Variants in SIPA1L1 observed in about 807,000 individuals in gnomAD.
SIPA1L1 encodes the protein signal induced proliferation associated 1 like 1, also known as signal-induced proliferation-associated 1-like protein 1.
A neutral mutation model predicts 162.7 loss-of-function variants in SIPA1L1; 26 were observed. The observed-to-expected ratio is 0.16, with a 90% CI of 0.12 to 0.22. The LOEUF (loss-of-function observed/expected upper bound fraction) is 0.22. SIPA1L1 is among the 10% of genes least tolerant of loss of function. The pLI is 1.00. For missense variants in SIPA1L1, 1,874 were observed against 2,241.0 expected, an observed-to-expected ratio of 0.84 and a Z score of 3.31; for synonymous variants, 829 against 837.4, an observed-to-expected ratio of 0.99 and a Z score of 0.17.
In SIPA1L1 at chr14:71,662,572, T is replaced by G. The variant is rs2043623303; in HGVS notation, c.2255+1105T>G. 2.0e-5 allele frequency among the ~76,000 whole-genome samples: 3 copies of G among 152,360 alleles called. No individual in the cohort carries two copies. In the South Asian group the frequency reaches 6.2e-4, roughly 32 times the overall value. On this transcript the variant is annotated intron_variant, in intron 10 of 23. Coordinates refer to ENST00000381232, the MANE Select transcript of SIPA1L1 (RefSeq NM_001386936.1). ...AGAATTAGACAGGAATGCAGTCAGT[T>G]TGATTCTAGAGCCCAGTCTCTTAAC...
intron 2 of SIPA1L1, among the ~76,000 whole-genome samples, chr14:71,446,892 C>CTTTTT (rs2045390917): frequency 2.0e-5 from 2 of 99,578 alleles, no homozygotes; most frequent in African/African-American, 8.0e-5. Context: ...GAGATGGGCT[C>CTTTTT]TGTTTTTTTT....
intron 2 of SIPA1L1, among the ~76,000 whole-genome samples, chr14:71,432,013 T>A (rs1338543845): frequency 6.6e-6 from 1 of 152,028 alleles, no homozygotes; most frequent in African/African-American, 2.4e-5. Flanking sequence ...TGGTAATCAG[T>A]TGAGTGGGGA....
At chr14:71,321,070 G>A (rs531941174) in intron 1 of SIPA1L1, 52 bp from the exon 2 acceptor site, 3 of 152,002 alleles carry the variant, frequency 2.0e-5, no homozygotes, top group African/African-American at 7.2e-5. Context: ...CCGCAGAGGA[G>A]GCGGCGAGTG....
Position 71,323,334 on chromosome 14 carries a change from A to G in SIPA1L1, c.-465+2153A>G, listed in dbSNP as rs575441496. Among the ~76,000 whole-genome samples the G allele has an allele frequency of 2.0e-5, 3 of 152,302 alleles. No individual in the cohort carries two copies. The East Asian group carries it at 5.8e-4, about 29-fold the overall frequency. On this transcript the variant is annotated intron_variant, in intron 2 of 23. Transcript: ENST00000381232. ...AATGACTGTTTTTCTTTTTTTAAAA[A>G]TCTGTTTGAGCTGTGAAATGGGAGC...
intron 5 of SIPA1L1, among the ~76,000 whole-genome samples, chr14:71,590,581 G>A (rs1208486401): frequency 1.3e-5 from 2 of 152,024 alleles, no homozygotes; most frequent in Non-Finnish European, 2.9e-5. Flanking sequence ...GCTTGTTGAC[G>A]GAAACAATCT....
rs143717449 is a variant in SIPA1L1, at chr14:71,740,654, C to G, written c.*1493C>G. On this transcript the variant is annotated 3_prime_UTR_variant, in exon 24 of 24. Transcript: ENST00000381232. ...TTTCCTCTCTTCTCCCTGCTACATT[C>G]ACTACCAGATTTTTATGCTACAGTT... 49 of 152,296 alleles carry G rather than the reference C, an allele frequency of 3.2e-4. No individual in the cohort carries two copies. Among genetic ancestry groups the G allele is most frequent in the African/African-American group, 1.2e-3 (48 of 41,572 alleles). The allele number at this position is 152,296 out of a possible 1,614,324, so 9.4% of individuals were successfully genotyped here.
At chr14:71,462,252 A>T (rs1276727508) in intron 2 of SIPA1L1, among the ~76,000 whole-genome samples, 1 of 152,152 alleles carries the variant, frequency 6.6e-6, no homozygotes, top group African/African-American at 2.4e-5. Flanking sequence ...CTTGCTCCAA[A>T]ATCCTAGAGG....
chr14:71,666,708 G>A (rs191911977), intron 10 of SIPA1L1, among the ~76,000 whole-genome samples: 175 of 152,100 alleles, frequency 1.2e-3, no homozygotes, highest in African/African-American at 4.0e-3. Flanking sequence ...GTATGATATA[G>A]TACAAAAAGC....
At chr14:71,365,029 G>A (rs1380996574) in intron 2 of SIPA1L1, among the ~76,000 whole-genome samples, 1 of 151,686 alleles carries the variant, frequency 6.6e-6, no homozygotes, top group Non-Finnish European at 1.5e-5. Flanking sequence ...TTACAGGCAT[G>A]AGCCACCATG....
intron 3 of SIPA1L1, among the ~76,000 whole-genome samples, chr14:71,516,678 C>T (rs1467705150): frequency 6.6e-6 from 1 of 151,732 alleles, no homozygotes; most frequent in Non-Finnish European, 1.5e-5. Flanking sequence ...TTTAAAAATG[C>T]CTTTTTTTTT....
chr14:71,634,115 G>A (rs1287735048), intron 7 of SIPA1L1, among the ~76,000 whole-genome samples: 3 of 151,654 alleles, frequency 2.0e-5, no homozygotes, highest in Non-Finnish European at 2.9e-5. Flanking sequence ...TATAAGGGAA[G>A]AACGGCTGGG....
chr14:71,523,373 A>G (rs2052549063), intron 3 of SIPA1L1, among the ~76,000 whole-genome samples: 1 of 151,554 alleles, frequency 6.6e-6, no homozygotes, highest in Non-Finnish European at 1.5e-5. Flanking sequence ...TTTTATTTTG[A>G]CATAATCTCA....
intron 4 of SIPA1L1, among the ~76,000 whole-genome samples, chr14:71,553,917 A>G (rs1004699708): frequency 6.6e-6 from 1 of 152,128 alleles, no homozygotes; most frequent in Non-Finnish European, 1.5e-5. Context: ...GAGACAGACT[A>G]TTTTTCAGAT....
intron 9 of SIPA1L1, among the ~76,000 whole-genome samples, chr14:71,660,063 T>C (rs910313623): frequency 6.6e-6 from 1 of 152,180 alleles, no homozygotes; most frequent in African/African-American, 2.4e-5. Context: ...TTGGGTCCTT[T>C]ATTAAGACAT....
chr14:71,321,259 C>T (rs906469686), intron 2 of SIPA1L1, 78 bp downstream of exon 2: 4 of 152,166 alleles, frequency 2.6e-5, no homozygotes, highest in Non-Finnish European at 5.9e-5. Context: ...TGTTTCTGGC[C>T]GGGGTTGGGG....
At chr14:71,436,752 C>T (rs965490820) in intron 2 of SIPA1L1, among the ~76,000 whole-genome samples, 13 of 151,182 alleles carry the variant, frequency 8.6e-5, no homozygotes, top group African/African-American at 3.1e-4. Flanking sequence ...TACAGACATA[C>T]CTTCTGAATT....
At chr14:71,320,890 C>G (rs980857998) in intron 1 of SIPA1L1, among the ~76,000 whole-genome samples, 2 of 152,010 alleles carry the variant, frequency 1.3e-5, no homozygotes, top group African/African-American at 4.8e-5. Context: ...ACGGGGCCAC[C>G]TCCGCCTTCC....
chr14:71,326,326 A>G (rs919673339), intron 2 of SIPA1L1, among the ~76,000 whole-genome samples: 1 of 151,330 alleles, frequency 6.6e-6, no homozygotes, highest in Admixed American at 6.6e-5. Flanking sequence ...CTCCTGCCTC[A>G]GCCTCCCGAG....
At chr14:71,540,735 T>A (rs1469813636) in intron 4 of SIPA1L1, among the ~76,000 whole-genome samples, 2 of 152,212 alleles carry the variant, frequency 1.3e-5, no homozygotes, top group Admixed American at 1.3e-4. Context: ...TATTTAGACA[T>A]GACATTGTTT....
Sources: gnomAD v4.1 joint callset for allele counts (sites outside exome capture counted in the v4.1 genomes callset) on GRCh38, gnomAD v4.1.1 for gene constraint, MANE v1.5 for transcripts, NCBI Gene and HGNC (gene_info 2026-07-23, HGNC 2026-07-21) for gene names.